The following LRRIQ3 variants were observed in gnomAD, a reference collection of about 807,000 sequenced individuals.
LRRIQ3 encodes leucine rich repeats and IQ motif containing 3.
In LRRIQ3, 75 loss-of-function variants were observed where a neutral mutation model predicts 59.3. The ratio of observed to expected loss-of-function variants is 1.26; its 90% CI spans 1.05 to 1.53. The LOEUF (loss-of-function observed/expected upper bound fraction) is 1.53. Among genes scored for constraint, LRRIQ3 ranks in the 40% most tolerant of loss-of-function variants. The pLI, the probability that LRRIQ3 is intolerant of heterozygous loss-of-function variation, is 0.00. For synonymous variants in LRRIQ3, 250 were observed against 231.3 expected (o/e 1.08, Z -0.73); for missense variants, 831 against 710.0 (o/e 1.17, Z -1.94).
chr1:74,078,649 T>C (rs1646236155), intron 5 of LRRIQ3: 1 of 151,896 alleles, frequency 6.6e-6, no homozygotes, highest in South Asian at 2.1e-4. Context: ...GAAGCAATAG[T>C]TTTACCATAT....
intron 1 of LRRIQ3, among the ~76,000 whole-genome samples, chr1:74,192,977 G>C (rs1047594407): frequency 2.0e-5 from 3 of 152,054 alleles, no homozygotes; most frequent in African/African-American, 7.2e-5. Context: ...CCAGGCCCCA[G>C]AGCATGTCCC....
At chr1:74,150,248 G>A (rs1443008272) in intron 4 of LRRIQ3, among the ~76,000 whole-genome samples, 1 of 152,140 alleles carries the variant, frequency 6.6e-6, no homozygotes, top group Non-Finnish European at 1.5e-5. Flanking sequence ...CCTTGATTTT[G>A]TGCAGTATCA....
At chr1:74,148,161 TGTACATCTG>T (rs538984101) in intron 4 of LRRIQ3, among the ~76,000 whole-genome samples, 1 of 152,222 alleles carries the variant, frequency 6.6e-6, no homozygotes, top group Non-Finnish European at 1.5e-5. Context: ...CATTGACATC[TGTACATCTG>T]GTGTTAACAG....
At chr1:74,155,638 T>G (rs1465991703) in intron 4 of LRRIQ3, 95 bp downstream of exon 4, 1 of 1,173,708 alleles carries the variant, frequency 8.5e-7, no homozygotes, top group South Asian at 1.6e-5. Context: ...TGATAGAGAA[T>G]ACAAAAATGC....
intron 4 of LRRIQ3, 85 bp downstream of exon 4, chr1:74,155,648 C>A: frequency 7.6e-7 from 1 of 1,318,940 alleles, no homozygotes; most frequent in Non-Finnish European, 1.0e-6. Context: ...TACAAAAATG[C>A]AAATTATTGG....
At chr1:74,179,070 T>C (rs972786165) in intron 3 of LRRIQ3, among the ~76,000 whole-genome samples, 2 of 152,098 alleles carry the variant, frequency 1.3e-5, no homozygotes, top group African/African-American at 4.8e-5. Flanking sequence ...TTTAGATGGA[T>C]TTCTATTACA....
intron 6 of LRRIQ3, among the ~76,000 whole-genome samples, chr1:74,071,046 CAT>C (rs200126154): frequency 0.017 from 2,612 of 149,274 alleles, 35 homozygotes; most frequent in South Asian, 0.023. Context: ...CACACACACA[CAT>C]ACACACACAT....
chr1:74,037,912 A>C (rs374248257), intron 7 of LRRIQ3, among the ~76,000 whole-genome samples: 1 of 152,290 alleles, frequency 6.6e-6, no homozygotes, highest in African/African-American at 2.4e-5. Flanking sequence ...GCAGATTCTC[A>C]ACAGCCACTC....
At chr1:74,108,488 T>C (rs1430810780) in intron 5 of LRRIQ3, among the ~76,000 whole-genome samples, 5 of 151,754 alleles carry the variant, frequency 3.3e-5, no homozygotes, top group Non-Finnish European at 5.9e-5. Flanking sequence ...AACATTACTA[T>C]GCTATATCTG....
chr1:74,183,094 T>C, intron 2 of LRRIQ3: 1 of 335,542 alleles, frequency 3.0e-6, no homozygotes, highest in Non-Finnish European at 5.3e-6. Flanking sequence ...AACCATACTT[T>C]TTTGTTCAAA....
intron 6 of LRRIQ3, among the ~76,000 whole-genome samples, chr1:74,053,626 GC>G (rs1208572699): frequency 1.3e-5 from 2 of 151,986 alleles, no homozygotes; most frequent in African/African-American, 4.8e-5. Flanking sequence ...GTTTCAGGTT[GC>G]AACAGGATAT....
chr1:74,063,721 T>C (rs886269302), intron 6 of LRRIQ3, among the ~76,000 whole-genome samples: 1 of 152,054 alleles, frequency 6.6e-6, no homozygotes, highest in Non-Finnish European at 1.5e-5. Flanking sequence ...AGTTCTCTGA[T>C]GATTGCTGTT....
At chr1:74,101,614 G>A (rs1248750605) in intron 5 of LRRIQ3, among the ~76,000 whole-genome samples, 1 of 152,136 alleles carries the variant, frequency 6.6e-6, no homozygotes, top group African/African-American at 2.4e-5. Context: ...GCACATGTAT[G>A]TTTATTGTGG....
intron 3 of LRRIQ3, among the ~76,000 whole-genome samples, chr1:74,171,411 T>C (rs567825748): frequency 2.2e-4 from 34 of 152,304 alleles, no homozygotes; most frequent in Admixed American, 2.1e-3. Context: ...AATTGTGTGA[T>C]TTTTATTATT....
chr1:74,183,905 C>T (rs535667824), intron 1 of LRRIQ3, among the ~76,000 whole-genome samples: 3 of 151,974 alleles, frequency 2.0e-5, no homozygotes, highest in East Asian at 3.9e-4. Context: ...CACCAGTGAA[C>T]GAACTAATTA....
intron 3 of LRRIQ3, among the ~76,000 whole-genome samples, chr1:74,169,333 G>A (rs1298944915): frequency 1.3e-5 from 2 of 152,012 alleles, no homozygotes; most frequent in African/African-American, 4.8e-5. Flanking sequence ...TGAACGTGCA[G>A]GCTGTTTCTG....
chr1:74,055,106 C>A (rs969626721), intron 6 of LRRIQ3, among the ~76,000 whole-genome samples: 176 of 147,682 alleles, frequency 1.2e-3, no homozygotes, highest in African/African-American at 4.2e-3. Flanking sequence ...CAGAATAACA[C>A]AACCATCATG....
chr1:74,029,075 A>T (rs902872233), intron 7 of LRRIQ3, among the ~76,000 whole-genome samples: 1 of 152,124 alleles, frequency 6.6e-6, no homozygotes, highest in Non-Finnish European at 1.5e-5. Context: ...GTATCCTGAG[A>T]CTTTGCTGAA....
chr1:74,181,670 AATT>A (rs1649984027), intron 3 of LRRIQ3: 1 of 151,824 alleles, frequency 6.6e-6, no homozygotes, highest in South Asian at 2.1e-4. Flanking sequence ...ATTAGTACAA[AATT>A]ATTACCAAAA....
Sources: allele counts gnomAD v4.1 joint callset (sites outside exome capture counted in the v4.1 genomes callset), GRCh38; gene constraint gnomAD v4.1.1; transcripts MANE v1.5; gene names NCBI Gene and HGNC (gene_info 2026-07-23, HGNC 2026-07-21).